ARSG: variants seen among roughly 807,000 people sequenced by gnomAD.
ARSG encodes the protein ASG.
Under a neutral mutation model 50.5 loss-of-function variants are expected in ARSG, and 37 were observed. The ratio of observed to expected loss-of-function variants is 0.73; its 90% CI spans 0.56 to 0.96. ARSG has a LOEUF of 0.96. Among genes scored for constraint, ARSG ranks in the 50% least tolerant of loss-of-function variants. ARSG has a pLI of 0.00. For synonymous variants in ARSG, 225 were observed against 254.6 expected (o/e 0.88, Z 1.11); for missense variants, 629 against 675.3 (o/e 0.93, Z 0.76).
At chr17:68,405,130 C>CTTTTT (rs58178643) in intron 11 of ARSG, among the ~76,000 whole-genome samples, 6 of 92,980 alleles carry the variant, frequency 6.5e-5, no homozygotes, top group East Asian at 3.3e-4. Context: ...CAGCTTTGGG[C>CTTTTT]TTTTTTTTTT....
chr17:68,428,512 T>G, the ARSG span: 1 of 232,126 alleles, frequency 4.3e-6, no homozygotes, highest in South Asian at 6.1e-5. Flanking sequence ...GGATTACAGG[T>G]GTGAGCCGCC....
chr17:68,320,950 G>A (rs914700667), intron 2 of ARSG, among the ~76,000 whole-genome samples: 2 of 152,130 alleles, frequency 1.3e-5, no homozygotes, highest in Non-Finnish European at 2.9e-5. Context: ...CTGTGAAAAG[G>A]AAAGGAGAAA....
At chr17:68,375,738 G>C (rs568792504) in intron 8 of ARSG, among the ~76,000 whole-genome samples, 1 of 152,102 alleles carries the variant, frequency 6.6e-6, no homozygotes, top group Non-Finnish European at 1.5e-5. Flanking sequence ...GGCTCTGGGC[G>C]AGGGCAGCAG....
At chr17:68,393,483 C>T (rs1457038849) in intron 9 of ARSG, among the ~76,000 whole-genome samples, 3 of 152,122 alleles carry the variant, frequency 2.0e-5, no homozygotes, top group Non-Finnish European at 2.9e-5. Context: ...ATGGCCCCAA[C>T]GTGCAAGAGC....
intron 1 of ARSG, among the ~76,000 whole-genome samples, chr17:68,300,448 G>T (rs2076370209): frequency 6.6e-6 from 1 of 152,138 alleles, no homozygotes; most frequent in Non-Finnish European, 1.5e-5. Flanking sequence ...TTTGTAAAAG[G>T]TTCTTAAAAA....
At chr17:68,397,347 C>A (rs1216962771) in intron 10 of ARSG, among the ~76,000 whole-genome samples, 1 of 152,154 alleles carries the variant, frequency 6.6e-6, no homozygotes, top group Non-Finnish European at 1.5e-5. Context: ...TTGTGGGAAG[C>A]AGCTGATGGT....
At chr17:68,265,086 G>A (rs2075130515) in intron 1 of ARSG, among the ~76,000 whole-genome samples, 1 of 151,128 alleles carries the variant, frequency 6.6e-6, no homozygotes, top group African/African-American at 2.4e-5. Context: ...CCCAGGAGGT[G>A]GAGGTTGCAG....
chr17:68,287,427 T>C (rs180973638), upstream of ARSG, among the ~76,000 whole-genome samples: 127 of 152,218 alleles, frequency 8.3e-4, no homozygotes, highest in Admixed American at 3.2e-3. Context: ...CCCAAAGTGA[T>C]AGTATTAAAC....
In ARSG at chr17:68,370,513, A is replaced by C; in HGVS notation, c.971A>C (p.Gln324Pro). ...GTGGGTCCCTTCACTGGATTTTGGC[A>C]AACTCGTCAAGGTAAGGGGCTCAGC... Reference protein sequence around the residue: ...GSVGPFTGFWQTRQGGSPAKQ... With the variant: ...GSVGPFTGFWPTRQGGSPAKQ... Residue 324 changes from glutamine (Q) to proline (P), a missense_variant, in exon 8 of 12, where the codon CAA (glutamine) becomes CCA (proline). Coordinates refer to ENST00000621439, the MANE Select transcript of ARSG (RefSeq NM_001267727.2). The C allele has an allele frequency of 1.2e-6, 2 of 1,613,942 alleles. No individual in the cohort carries two copies. The highest frequency in any genetic ancestry group is 1.7e-6 in the Non-Finnish European group (2 of 1,179,968).
At chr17:68,436,984 A>T in the ARSG span, among the ~76,000 whole-genome samples, 1 of 118,482 alleles carries the variant, frequency 8.4e-6, no homozygotes, top group African/African-American at 3.4e-5. Flanking sequence ...ACAGAGTGAG[A>T]CCCCGTCTCA....
chr17:68,330,792 G>A (rs1327690160), intron 2 of ARSG, among the ~76,000 whole-genome samples: 5 of 152,132 alleles, frequency 3.3e-5, no homozygotes, highest in African/African-American at 1.2e-4. Flanking sequence ...TTAAGACAAG[G>A]CTGATGGCAT....
rs1176701675 is a variant in ARSG, at chr17:68,299,631, A to C, written c.-551-7312A>C. The stretch of plus-strand genomic sequence containing the variant: ...GAAATGTTACAGGGCAAACACCGTA[A>C]TTTATTTACAAATCTATGCAGAGAA... On this transcript the variant is annotated intron_variant, in intron 1 of 11. Transcript: ENST00000621439. Among the ~76,000 whole-genome samples, 9 of 152,290 alleles carry C rather than the reference A, an allele frequency of 5.9e-5. No homozygotes were observed. In the South Asian group the frequency reaches 1.7e-3, roughly 28 times the overall value.
At chr17:68,315,801 T>C (rs566541605) in intron 2 of ARSG, among the ~76,000 whole-genome samples, 1 of 152,104 alleles carries the variant, frequency 6.6e-6, no homozygotes, top group East Asian at 1.9e-4. Context: ...CCTGGCTAAT[T>C]TTTGTATTTT....
intron 2 of ARSG, among the ~76,000 whole-genome samples, chr17:68,317,348 G>A (rs1555768885): frequency 6.6e-6 from 1 of 152,138 alleles, no homozygotes; most frequent in Non-Finnish European, 1.5e-5. Context: ...GAGGCCGAGA[G>A]AGACGAAGTG....
At chr17:68,410,917 G>C (rs2147351352) in intron 11 of ARSG, among the ~76,000 whole-genome samples, 1 of 152,308 alleles carries the variant, frequency 6.6e-6, no homozygotes, top group African/African-American at 2.4e-5. Flanking sequence ...GCATAGAGGT[G>C]TTTGTAGTAT....
intron 1 of ARSG, chr17:68,268,059 T>C (rs2075210266): frequency 6.6e-6 from 1 of 152,246 alleles, no homozygotes; most frequent in African/African-American, 2.4e-5. Flanking sequence ...CAATCCATTA[T>C]TTTTTCCCCT....
intron 4 of ARSG, among the ~76,000 whole-genome samples, chr17:68,350,073 A>G (rs987346709): frequency 6.6e-6 from 1 of 152,184 alleles, no homozygotes; most frequent in African/African-American, 2.4e-5. Flanking sequence ...GGCGGGATGC[A>G]GTGAAGAGCA....
At chr17:68,386,095 A>G (rs1311521131) in intron 9 of ARSG, among the ~76,000 whole-genome samples, 2 of 152,218 alleles carry the variant, frequency 1.3e-5, no homozygotes, top group African/African-American at 2.4e-5. Flanking sequence ...AGGCAGATCC[A>G]GGAGGCCATC....
chr17:68,388,698 G>T (rs138324174), intron 9 of ARSG, among the ~76,000 whole-genome samples: 9,583 of 152,052 alleles, frequency 0.063, 649 homozygotes, highest in African/African-American at 0.16. Context: ...AGGCCGAGGC[G>T]GGCGGATCAT....
Sources: allele counts gnomAD v4.1 joint callset (sites outside exome capture counted in the v4.1 genomes callset), GRCh38; gene constraint gnomAD v4.1.1; transcripts MANE v1.5; gene names NCBI Gene and HGNC (gene_info 2026-07-23, HGNC 2026-07-21).